GABRB1: variants seen among roughly 807,000 people sequenced by gnomAD.
GABRB1 encodes gamma-aminobutyric acid receptor subunit beta-1.
Under a neutral mutation model 51.6 loss-of-function variants are expected in GABRB1, and 17 were observed. The observed-to-expected ratio is 0.33, with a 90% CI of 0.23 to 0.49. The LOEUF (loss-of-function observed/expected upper bound fraction) is 0.49. Ranked by LOEUF, GABRB1 falls within the 20% of genes least tolerant of loss-of-function variation. The probability of loss-of-function intolerance (pLI) is 0.99; values close to 1 mark genes in which losing one functional copy is unlikely to be tolerated. For synonymous variants in GABRB1, 247 were observed against 218.9 expected (o/e 1.13, Z -1.14); for missense variants, 410 against 600.6 (o/e 0.68, Z 3.32).
chr4:47,414,947 C>T (rs1728865996), intron 8 of GABRB1, among the ~76,000 whole-genome samples: 1 of 152,170 alleles, frequency 6.6e-6, no homozygotes, highest in South Asian at 2.1e-4. Context: ...AAACTTTCAC[C>T]ATCTATACCT....
At position 47,426,396 on chromosome 4, in the gene GABRB1, C is replaced by T. The variant is rs147193608; in HGVS notation, c.*378C>T. The T allele has an allele frequency of 7.2e-3, 1,031 of 143,502 alleles. 6 individuals carry two copies. Among genetic ancestry groups the T allele is most frequent in the Non-Finnish European group, 0.01 (709 of 69,056 alleles). 8.9% of individuals were successfully genotyped at this position (143,502 alleles called of 1,614,324 possible). A position where few individuals can be genotyped will look rare whatever the true frequency, so the allele number is the denominator to read the frequency against. On this transcript the variant is annotated 3_prime_UTR_variant, in exon 9 of 9. Coordinates refer to ENST00000295454, the MANE Select transcript of GABRB1 (RefSeq NM_000812.4). ...AGGACCTTGCTGTCCGCCTGCACTG[C>T]TTCCTGGTAAACTATAACAAACTTA... is the stretch of plus-strand genomic sequence containing the variant.
At chr4:47,095,647 A>G (rs1714388632) in intron 3 of GABRB1, among the ~76,000 whole-genome samples, 1 of 152,194 alleles carries the variant, frequency 6.6e-6, no homozygotes, top group African/African-American at 2.4e-5. Context: ...TTCTTCATTC[A>G]CTTTCATTAG....
chr4:47,340,028 A>T (rs1725829110), intron 5 of GABRB1, among the ~76,000 whole-genome samples: 1 of 152,190 alleles, frequency 6.6e-6, no homozygotes, highest in African/African-American at 2.4e-5. Flanking sequence ...ACATTCCAAA[A>T]TTTAACATTT....
At chr4:47,290,789 G>T (rs897914042) in intron 4 of GABRB1, among the ~76,000 whole-genome samples, 5 of 152,108 alleles carry the variant, frequency 3.3e-5, no homozygotes, top group Non-Finnish European at 7.4e-5. Flanking sequence ...CCAGCAAAAT[G>T]ATTTAGGGTA....
At chr4:47,071,725 C>G (rs570632566) in intron 3 of GABRB1, among the ~76,000 whole-genome samples, 1 of 148,276 alleles carries the variant, frequency 6.7e-6, no homozygotes, top group South Asian at 2.1e-4. Context: ...ATTTGGTTCT[C>G]TAATTTATTC....
intron 3 of GABRB1, among the ~76,000 whole-genome samples, chr4:47,045,686 A>G (rs1229533316): frequency 1.3e-5 from 2 of 151,966 alleles, no homozygotes; most frequent in Non-Finnish European, 2.9e-5. Context: ...GAGGGAGTTT[A>G]CTGGAGCCTC....
chr4:47,018,705 A>T (rs537523754), intron 1 of GABRB1, among the ~76,000 whole-genome samples: 14 of 152,182 alleles, frequency 9.2e-5, no homozygotes, highest in Non-Finnish European at 1.9e-4. Context: ...AGAAAATGTG[A>T]CTAAGAAAAT....
At chr4:47,301,324 A>G (rs1724250811) in intron 4 of GABRB1, among the ~76,000 whole-genome samples, 1 of 152,196 alleles carries the variant, frequency 6.6e-6, no homozygotes, top group Non-Finnish European at 1.5e-5. Flanking sequence ...ATGTAAAAGT[A>G]TAAAACAAAA....
intron 4 of GABRB1, among the ~76,000 whole-genome samples, chr4:47,246,625 A>G (rs1560295928): frequency 6.6e-6 from 1 of 151,310 alleles, no homozygotes; most frequent in East Asian, 1.9e-4. Flanking sequence ...CAGTGGTTGT[A>G]CTAGTTTACA....
intron 3 of GABRB1, among the ~76,000 whole-genome samples, chr4:47,132,729 AT>A (rs1392881219): frequency 6.6e-6 from 1 of 152,216 alleles, no homozygotes; most frequent in African/African-American, 2.4e-5. Flanking sequence ...CTGGAAGTGA[AT>A]AGCCACAATC....
intron 4 of GABRB1, among the ~76,000 whole-genome samples, chr4:47,301,265 G>T (rs1724248395): frequency 6.6e-6 from 1 of 152,058 alleles, no homozygotes; most frequent in Non-Finnish European, 1.5e-5. Context: ...TATTATAGTA[G>T]ATTACCTCCA....
intron 3 of GABRB1, among the ~76,000 whole-genome samples, chr4:47,159,921 T>C (rs775525335): frequency 4.6e-5 from 7 of 152,142 alleles, no homozygotes; most frequent in South Asian, 2.1e-4. Flanking sequence ...AAAGTCACTA[T>C]TGCCATATGA....
intron 3 of GABRB1, among the ~76,000 whole-genome samples, chr4:47,068,617 G>A (rs906864252): frequency 9.9e-5 from 15 of 152,168 alleles, no homozygotes; most frequent in African/African-American, 3.1e-4. Flanking sequence ...TGTTGGTGGA[G>A]CAATCAGAAC....
chr4:47,264,733 G>A (rs577782471), intron 4 of GABRB1, among the ~76,000 whole-genome samples: 1 of 152,220 alleles, frequency 6.6e-6, no homozygotes, highest in East Asian at 1.9e-4. Flanking sequence ...TATACACCTG[G>A]GGGAATTACC....
intron 5 of GABRB1, among the ~76,000 whole-genome samples, chr4:47,378,874 G>T (rs1309230781): frequency 6.6e-6 from 1 of 152,142 alleles, no homozygotes; most frequent in Non-Finnish European, 1.5e-5. Context: ...GGTAGCTGAG[G>T]CTCAGGGGTT....
intron 3 of GABRB1, among the ~76,000 whole-genome samples, chr4:47,123,705 A>ATGAT (rs1491274806): frequency 0.014 from 221 of 16,370 alleles, 4 homozygotes; most frequent in African/African-American, 0.033. Flanking sequence ...TTATATATAT[A>ATGAT]ATATGATATA....
At chr4:47,309,158 G>A (rs1303553969) in intron 4 of GABRB1, among the ~76,000 whole-genome samples, 1 of 152,026 alleles carries the variant, frequency 6.6e-6, no homozygotes, top group Non-Finnish European at 1.5e-5. Flanking sequence ...AGTATGTCTT[G>A]AACTCAGCCA....
rs1210927883 is a variant in GABRB1, at chr4:47,226,446, G to A, written c.461+64977G>A. Reference sequence around the variant, plus strand: ...TGGGCACTAGGAACATCGCCAAGAAGCAGAACACAGCTCCCTACTACTAAA... The same window carrying A: ...TGGGCACTAGGAACATCGCCAAGAAACAGAACACAGCTCCCTACTACTAAA... On this transcript the variant is annotated intron_variant, in intron 4 of 8. Transcript: ENST00000295454. Among the ~76,000 whole-genome samples, 3 of 152,192 alleles carry A rather than the reference G, an allele frequency of 2.0e-5. No homozygotes were observed. The East Asian group carries it at 5.8e-4, about 29-fold the overall frequency.
intron 5 of GABRB1, among the ~76,000 whole-genome samples, chr4:47,367,417 C>G (rs1407273005): frequency 6.6e-6 from 1 of 152,170 alleles, no homozygotes; most frequent in Admixed American, 6.5e-5. Context: ...AAAGCTTATT[C>G]TATCCTCCAA....
Sources: gnomAD v4.1 joint callset for allele counts (sites outside exome capture counted in the v4.1 genomes callset) on GRCh38, gnomAD v4.1.1 for gene constraint, MANE v1.5 for transcripts, NCBI Gene and HGNC (gene_info 2026-07-23, HGNC 2026-07-21) for gene names.